Variants in ULK4 observed in about 807,000 individuals in gnomAD.
ULK4 encodes the protein inactive serine/threonine-protein kinase ULK4.
ULK4 carries 133 observed loss-of-function variants against 160.6 expected under a neutral mutation model. The ratio of observed to expected loss-of-function variants is 0.83; its 90% CI spans 0.72 to 0.96. ULK4 has a LOEUF of 0.96. Ranked by LOEUF, ULK4 falls within the 40% of genes least tolerant of loss-of-function variation. The probability of loss-of-function intolerance (pLI) is 0.00; values close to 1 mark genes in which losing one functional copy is unlikely to be tolerated. For synonymous variants in ULK4, 534 were observed against 539.8 expected (o/e 0.99, Z 0.15); for missense variants, 1,580 against 1,499.5 (o/e 1.05, Z -0.89).
At chr3:41,810,190 G>A (rs2040777960) in intron 19 of ULK4, among the ~76,000 whole-genome samples, 1 of 152,002 alleles carries the variant, frequency 6.6e-6, no homozygotes, top group Non-Finnish European at 1.5e-5. Flanking sequence ...CCCTAGTTCT[G>A]TACTCCAGCT....
At chr3:41,565,803 T>C (rs190634317) in intron 32 of ULK4, among the ~76,000 whole-genome samples, 2 of 152,320 alleles carry the variant, frequency 1.3e-5, no homozygotes, top group African/African-American at 4.8e-5. Flanking sequence ...ATTTCTTGGT[T>C]TGTCATCTTT....
chr3:41,937,805 ATGTT>A (rs910186211), intron 3 of ULK4: 5 of 225,420 alleles, frequency 2.2e-5, no homozygotes, highest in African/African-American at 6.8e-5. Context: ...TCAACTTAAA[ATGTT>A]TGTTTTTATT....
chr3:41,533,439 T>TA (rs2086391398), intron 32 of ULK4, among the ~76,000 whole-genome samples: 1 of 152,252 alleles, frequency 6.6e-6, no homozygotes, highest in South Asian at 2.1e-4. Flanking sequence ...TTACTTCAGT[T>TA]AAATCACAAT....
At chr3:41,379,118 TG>T in intron 35 of ULK4, among the ~76,000 whole-genome samples, 1 of 151,894 alleles carries the variant, frequency 6.6e-6, no homozygotes, top group South Asian at 2.1e-4. Context: ...GACGAGTTGA[TG>T]GGTGCAGCAA....
intron 27 of ULK4, among the ~76,000 whole-genome samples, chr3:41,688,431 A>AC (rs2036171117): frequency 1.3e-5 from 2 of 152,328 alleles, no homozygotes; most frequent in East Asian, 3.9e-4. Context: ...TATCAAAGGT[A>AC]CTTACTAAGA....
chr3:41,849,581 T>C (rs2042158963), intron 17 of ULK4, among the ~76,000 whole-genome samples: 2 of 152,230 alleles, frequency 1.3e-5, no homozygotes, highest in Admixed American at 6.5e-5. Flanking sequence ...GATGTTTTAA[T>C]ACATTCTTCT....
intron 27 of ULK4, among the ~76,000 whole-genome samples, chr3:41,684,589 T>C (rs1481669091): frequency 6.6e-6 from 1 of 152,216 alleles, no homozygotes; most frequent in Non-Finnish European, 1.5e-5. Flanking sequence ...CCCAAACGTG[T>C]CAAGCACTTG....
intron 29 of ULK4, 72 bp from the exon 30 acceptor site, chr3:41,663,771 C>A: frequency 8.2e-7 from 1 of 1,225,030 alleles, no homozygotes; most frequent in South Asian, 1.2e-5. Flanking sequence ...CTATATCCAG[C>A]CAAACTATCA....
intron 30 of ULK4, among the ~76,000 whole-genome samples, chr3:41,645,208 T>C (rs942137894): frequency 6.6e-6 from 1 of 151,938 alleles, no homozygotes; most frequent in African/African-American, 2.4e-5. Context: ...TCTGCTCTGA[T>C]TTTAGTTATT....
In ULK4 at chr3:41,600,395, T is replaced by C. The variant is rs866184791; in HGVS notation, c.3120+15274A>G. On this transcript the variant is annotated intron_variant, in intron 31 of 36. Coordinates refer to ENST00000301831, the MANE Select transcript of ULK4 (RefSeq NM_017886.4). ...CTGTGACAACTGCTCTAAAGAAGTA[T>C]GGGTTGCACCTGTGGCAAAGAAATC... 2.0e-5 allele frequency among the ~76,000 whole-genome samples: 3 copies of C among 152,266 alleles called. No individual in the cohort carries two copies. The South Asian group carries it at 6.2e-4, about 32-fold the overall frequency.
At position 41,666,253 on chromosome 3, in the gene ULK4, G is replaced by A. The variant is rs183860559; in HGVS notation, c.2979-2554C>T. 1.7e-4 allele frequency among the ~76,000 whole-genome samples: 26 copies of A among 152,224 alleles called. No individual in the cohort carries two copies. The East Asian group carries it at 4.2e-3, about 25-fold the overall frequency. On this transcript the variant is annotated intron_variant, in intron 29 of 36. Transcript: ENST00000301831. ...TCAAGCTGATGTGTTGTAGCCCAAGGCCCCCATCATAACTCACAATGTTAC... is the reference window on the plus strand; with the variant it reads ...TCAAGCTGATGTGTTGTAGCCCAAGACCCCCATCATAACTCACAATGTTAC...
At chr3:41,918,365 G>T in intron 7 of ULK4, 92 bp downstream of exon 7, 5 of 766,316 alleles carry the variant, frequency 6.5e-6, no homozygotes, top group Non-Finnish European at 1.0e-5. Flanking sequence ...ACTTTGGGGA[G>T]TTATGAATCA....
At chr3:41,714,452 C>A (rs1421593173) in intron 25 of ULK4, among the ~76,000 whole-genome samples, 2 of 152,186 alleles carry the variant, frequency 1.3e-5, no homozygotes, top group South Asian at 2.1e-4. Flanking sequence ...TTTTGAAAAT[C>A]TCTGTTCAGT....
At chr3:41,567,464 T>TG (rs2087822035) in intron 31 of ULK4, among the ~76,000 whole-genome samples, 1 of 148,024 alleles carries the variant, frequency 6.8e-6, no homozygotes. Context: ...TTTTTTTTTT[T>TG]TTGAGATGGA....
chr3:41,738,439 T>C (rs1029041514), intron 22 of ULK4, among the ~76,000 whole-genome samples: 2 of 151,978 alleles, frequency 1.3e-5, no homozygotes, highest in Admixed American at 6.6e-5. Flanking sequence ...CCATGCTAAC[T>C]CTGCTACCAT....
chr3:41,925,219 G>T (rs1189494431), intron 5 of ULK4, among the ~76,000 whole-genome samples: 1 of 152,224 alleles, frequency 6.6e-6, no homozygotes, highest in Non-Finnish European at 1.5e-5. Context: ...ATCTCACTGG[G>T]ACTGGTTGGA....
intron 35 of ULK4, among the ~76,000 whole-genome samples, chr3:41,335,409 A>C (rs2080533242): frequency 6.6e-6 from 1 of 152,194 alleles, no homozygotes; most frequent in Admixed American, 6.5e-5. Context: ...TATTTAGGTA[A>C]GAATAACTCC....
chr3:41,651,024 G>C (rs1242121098), intron 30 of ULK4, among the ~76,000 whole-genome samples: 1 of 152,136 alleles, frequency 6.6e-6, no homozygotes, highest in Non-Finnish European at 1.5e-5. Flanking sequence ...CTCCTTTAGA[G>C]TTATTGATGT....
intron 35 of ULK4, among the ~76,000 whole-genome samples, chr3:41,305,215 G>GTCTCCC (rs1215649949): frequency 6.7e-6 from 1 of 150,222 alleles, no homozygotes; most frequent in South Asian, 2.1e-4. Flanking sequence ...TCTCCCCACG[G>GTCTCCC]TCTCCCTCTC....
Sources: gnomAD v4.1 joint callset for allele counts (sites outside exome capture counted in the v4.1 genomes callset) on GRCh38, gnomAD v4.1.1 for gene constraint, MANE v1.5 for transcripts, NCBI Gene and HGNC (gene_info 2026-07-23, HGNC 2026-07-21) for gene names.